The following CCDC148 variants were observed in gnomAD, a reference collection of about 807,000 sequenced individuals.
CCDC148 encodes coiled-coil domain containing 148, also known as coiled-coil domain-containing protein 148.
A neutral mutation model predicts 85.7 loss-of-function variants in CCDC148; 89 were observed. The ratio of observed to expected loss-of-function variants is 1.04; its 90% CI spans 0.87 to 1.24. The LOEUF (loss-of-function observed/expected upper bound fraction) is 1.24. Ranked by LOEUF, CCDC148 falls within the 50% of genes most tolerant of loss-of-function variation. The pLI is 0.00. For synonymous variants in CCDC148, 230 were observed against 213.9 expected (o/e 1.08, Z -0.66); for missense variants, 692 against 671.7 (o/e 1.03, Z -0.33).
intron 1 of CCDC148, among the ~76,000 whole-genome samples, chr2:158,453,254 C>T (rs1188177179): frequency 6.6e-6 from 1 of 152,168 alleles, no homozygotes; most frequent in Non-Finnish European, 1.5e-5. Context: ...TGTCAAGGGT[C>T]ACAATACAGT....
At chr2:158,240,491 C>CACACAA (rs1688310889) in intron 10 of CCDC148, among the ~76,000 whole-genome samples, 1 of 143,780 alleles carries the variant, frequency 7.0e-6, no homozygotes, top group African/African-American at 2.6e-5. Flanking sequence ...CACACACACA[C>CACACAA]CTCTTTAAAA....
chr2:158,376,030 T>C (rs1419840898), intron 1 of CCDC148, among the ~76,000 whole-genome samples: 3 of 152,122 alleles, frequency 2.0e-5, no homozygotes, highest in Non-Finnish European at 4.4e-5. Context: ...TCAACTGAGA[T>C]AGACTGGGAT....
chr2:158,293,967 TCCCTCCCCCCCCC>T (rs1691024692), intron 9 of CCDC148, among the ~76,000 whole-genome samples: 5 of 37,316 alleles, frequency 1.3e-4, no homozygotes, highest in East Asian at 9.7e-4. Flanking sequence ...CCTCCCTCCC[TCCCTCCCCCCCCC>T]CCTCCCTCCC....
intron 1 of CCDC148, among the ~76,000 whole-genome samples, chr2:158,359,443 C>T (rs562526674): frequency 7.0e-4 from 106 of 152,248 alleles, no homozygotes; most frequent in African/African-American, 2.4e-3. Context: ...TAGATCGATG[C>T]AGAAGGTGGG....
chr2:158,374,432 A>G (rs1684573563), intron 1 of CCDC148, among the ~76,000 whole-genome samples: 1 of 152,086 alleles, frequency 6.6e-6, no homozygotes, highest in Admixed American at 6.6e-5. Context: ...ATTGAGTGAA[A>G]AAAGCAAGTT....
At chr2:158,184,985 G>C (rs1349452427) in intron 11 of CCDC148, among the ~76,000 whole-genome samples, 1 of 152,134 alleles carries the variant, frequency 6.6e-6, no homozygotes, top group Non-Finnish European at 1.5e-5. Context: ...AGATTAAAAG[G>C]ACTTTACCTG....
At chr2:158,242,802 T>A (rs1294339390) in intron 10 of CCDC148, among the ~76,000 whole-genome samples, 1 of 150,626 alleles carries the variant, frequency 6.6e-6, no homozygotes, top group Non-Finnish European at 1.5e-5. Flanking sequence ...AACATATAGT[T>A]GAATAAAGGT....
At chr2:158,425,800 A>C (rs1052121788) in intron 1 of CCDC148, among the ~76,000 whole-genome samples, 1 of 152,132 alleles carries the variant, frequency 6.6e-6, no homozygotes, top group African/African-American at 2.4e-5. Context: ...AGTTTCCACC[A>C]CATCTTTGGA....
intron 1 of CCDC148, among the ~76,000 whole-genome samples, chr2:158,415,136 TA>T (rs11284036): frequency 0.18 from 26,416 of 144,570 alleles, 2,963 homozygotes; most frequent in Middle Eastern, 0.26. Flanking sequence ...AGTAATTCAT[TA>T]AAAAAAAAAA....
chr2:158,279,308 G>C (rs200323404), intron 9 of CCDC148, among the ~76,000 whole-genome samples: 1 of 152,148 alleles, frequency 6.6e-6, no homozygotes, highest in Admixed American at 6.5e-5. Context: ...AGAGAAGAAG[G>C]CTTCAGACGA....
chr2:158,244,113 G>C (rs1475732827), intron 10 of CCDC148, among the ~76,000 whole-genome samples: 1 of 152,018 alleles, frequency 6.6e-6, no homozygotes, highest in Non-Finnish European at 1.5e-5. Context: ...GTTGATTCAA[G>C]GTATTCTAGC....
chr2:158,381,095 G>A (rs1406469414), intron 1 of CCDC148: 2 of 152,060 alleles, frequency 1.3e-5, no homozygotes, highest in African/African-American at 4.8e-5. Context: ...ATCTTAAATG[G>A]AAAACATAAT....
intron 2 of CCDC148, among the ~76,000 whole-genome samples, chr2:158,356,236 T>C (rs1484160951): frequency 4.3e-5 from 6 of 140,136 alleles, no homozygotes; most frequent in Non-Finnish European, 7.5e-5. Flanking sequence ...AAATGGGATC[T>C]AATTAAAATA....
At chr2:158,387,455 C>T (rs1189476995) in intron 1 of CCDC148, among the ~76,000 whole-genome samples, 1 of 151,972 alleles carries the variant, frequency 6.6e-6, no homozygotes, top group Admixed American at 6.6e-5. Context: ...TTTATTTGAT[C>T]AACTCCCTAT....
chr2:158,387,833 G>T (rs958999237), intron 1 of CCDC148, among the ~76,000 whole-genome samples: 2 of 152,068 alleles, frequency 1.3e-5, no homozygotes, highest in Non-Finnish European at 2.9e-5. Context: ...ATATCAGGCC[G>T]CCCTTACACA....
chr2:158,286,456 T>C (rs559002043), intron 9 of CCDC148, among the ~76,000 whole-genome samples: 59 of 152,368 alleles, frequency 3.9e-4, no homozygotes, highest in African/African-American at 1.3e-3. Context: ...CATACATTCA[T>C]TACAATATTA....
At chr2:158,446,235 G>A (rs1403580353) in intron 1 of CCDC148, among the ~76,000 whole-genome samples, 1 of 152,002 alleles carries the variant, frequency 6.6e-6, no homozygotes. Context: ...CATGCCTGTA[G>A]TCCCAGCTAC....
chr2:158,435,189 G>A (rs921282585), intron 1 of CCDC148, among the ~76,000 whole-genome samples: 5 of 152,158 alleles, frequency 3.3e-5, no homozygotes, highest in African/African-American at 1.2e-4. Context: ...ATTCACCAAG[G>A]TGGAAATGAA....
intron 1 of CCDC148, among the ~76,000 whole-genome samples, chr2:158,437,625 C>A (rs540878260): frequency 2.0e-5 from 3 of 152,260 alleles, no homozygotes; most frequent in South Asian, 2.1e-4. Context: ...AAGTGCTGAC[C>A]AGGGCAATCA....
Sources: gnomAD v4.1 joint callset for allele counts (sites outside exome capture counted in the v4.1 genomes callset) on GRCh38, gnomAD v4.1.1 for gene constraint, MANE v1.5 for transcripts, NCBI Gene and HGNC (gene_info 2026-07-23, HGNC 2026-07-21) for gene names.